The following ITGA4 variants were observed in gnomAD, a reference collection of about 807,000 sequenced individuals.
The protein encoded by ITGA4 is integrin subunit alpha 4.
In ITGA4, 63 loss-of-function variants were observed where a neutral mutation model predicts 133.6. That is an observed-to-expected ratio of 0.47 (90% CI 0.38 to 0.58). ITGA4 has a LOEUF of 0.58. Ranked by LOEUF, ITGA4 falls within the 20% of genes least tolerant of loss-of-function variation. ITGA4 has a pLI of 0.00. For synonymous variants in ITGA4, 483 were observed against 438.0 expected (o/e 1.10, Z -1.28); for missense variants, 1,076 against 1,252.7 (o/e 0.86, Z 2.13).
At chr2:181,475,757 A>AAGC in intron 4 of ITGA4, 1 of 1,546,868 alleles carries the variant, frequency 6.5e-7, no homozygotes, top group Non-Finnish European at 8.7e-7. Context: ...GTTTTCCTTC[A>AAGC]AGCAGCAAGA....
chr2:181,471,488 G>A lies in ITGA4; in HGVS notation c.320-3472G>A, dbSNP rs78612718. Among the ~76,000 whole-genome samples, 1,054 of 152,230 alleles carry A rather than the reference G, an allele frequency of 6.9e-3. 12 individuals carry two copies. Among genetic ancestry groups the A allele is most frequent in the African/African-American group, 0.024 (991 of 41,524 alleles). On this transcript the variant is annotated intron_variant, in intron 2 of 27. Coordinates refer to ENST00000397033, the MANE Select transcript of ITGA4 (RefSeq NM_000885.6). ...TCACCACAATTTCCTCTGAGTGATC[G>A]CATCCTGTGTGTCTAAGAACCCTTG...
rs752781224 is a variant in ITGA4, at chr2:181,475,140, CT to C, written c.427-18del. 1 of 1,613,304 alleles carries C rather than the reference CT, an allele frequency of 6.2e-7. No homozygotes were observed. The highest frequency in any genetic ancestry group is 8.5e-7 in the Non-Finnish European group (1 of 1,179,668). The stretch of plus-strand genomic sequence containing the variant: ...GGGTGCAGCTTTCACATCATTTGGT[CT>C]ACTTTTATTTTATTCAGACTTGTGG... On this transcript the variant is annotated intron_variant, in intron 3 of 27. Coordinates refer to ENST00000397033, the MANE Select transcript of ITGA4 (RefSeq NM_000885.6).
rs540903185 is a variant in ITGA4 at position 181,477,999 on chromosome 2, C to T, written c.557-758C>T. On this transcript the variant is annotated intron_variant, in intron 4 of 27. Transcript: ENST00000397033. Reference sequence around the variant, plus strand: ...AGGAATTGTGTGAGGTGTATATATACACACATATATACATAAACATATACA... The same window carrying T: ...AGGAATTGTGTGAGGTGTATATATATACACATATATACATAAACATATACA... Among the ~76,000 whole-genome samples the T allele has an allele frequency of 7.9e-5, 12 of 152,180 alleles. No individual in the cohort carries two copies. The South Asian group carries it at 1.9e-3, about 24-fold the overall frequency.
chr2:181,498,847 A>G (rs1574398236), intron 15 of ITGA4, 70 bp downstream of exon 15: 3 of 1,470,338 alleles, frequency 2.0e-6, no homozygotes, highest in East Asian at 4.9e-5. Context: ...AACTTATTGT[A>G]TTGGTATCTT....
intron 2 of ITGA4, among the ~76,000 whole-genome samples, chr2:181,472,092 C>T (rs529181791): frequency 1.3e-5 from 2 of 152,278 alleles, no homozygotes; most frequent in East Asian, 1.9e-4. Flanking sequence ...GTGTGTAAAC[C>T]TCAGTGTGAG....
At chr2:181,491,050 T>C (rs1320674756) in intron 10 of ITGA4, among the ~76,000 whole-genome samples, 1 of 152,210 alleles carries the variant, frequency 6.6e-6, no homozygotes, top group Non-Finnish European at 1.5e-5. Context: ...CTTTATTATA[T>C]AACAGATCCA....
At chr2:181,470,312 G>T (rs867018053) in intron 2 of ITGA4, among the ~76,000 whole-genome samples, 12 of 151,984 alleles carry the variant, frequency 7.9e-5, no homozygotes, top group South Asian at 4.1e-4. Flanking sequence ...TAGCTGATCA[G>T]TTATCATTAG....
rs139499179 is a variant in ITGA4, at chr2:181,480,813, T to C, written c.754+547T>C. On this transcript the variant is annotated intron_variant, in intron 6 of 27. Transcript: ENST00000397033. The stretch of plus-strand genomic sequence containing the variant: ...CTTAGAATATTTCCCAGAGCTTAAC[T>C]ATTTTTATCATCTTCCTCCTCCTCA... 8.7e-3 allele frequency among the ~76,000 whole-genome samples: 1,322 copies of C among 152,280 alleles called. 24 individuals are homozygous for C. The highest frequency in any genetic ancestry group is 0.03 in the African/African-American group (1,248 of 41,568).
rs560531997 is a variant in ITGA4 at position 181,530,614 on chromosome 2, G to A, written c.2629G>A (p.Val877Ile). 6.2e-7 allele frequency: 1 copy of A among 1,613,392 alleles called. No individual in the cohort carries two copies. The highest frequency in any genetic ancestry group is 1.1e-5 in the South Asian group (1 of 91,036). The stretch of plus-strand genomic sequence containing the variant: ...TGCAATGCAGACCTTGAAAGGCATA[G>A]TCCGGTTCTTGTCCAAGACTGATAA... ...KSAMQTLKGI[V>I]RFLSKTDKRL... The change falls in exon 24 of 28, where the codon GTC becomes ATC. Residue 877 changes from valine (V) to isoleucine (I), a missense_variant. Around this residue, in one of 4 missense-constraint regions of ITGA4, gnomAD observed 365 missense variants for 421.4 expected, o/e 0.87. Transcript: ENST00000397033.
intron 15 of ITGA4, among the ~76,000 whole-genome samples, chr2:181,502,136 G>T (rs1444570548): frequency 1.3e-5 from 2 of 152,020 alleles, no homozygotes; most frequent in Non-Finnish European, 2.9e-5. Flanking sequence ...CTATACTGCA[G>T]CTTGATCAAA....
intron 27 of ITGA4, 77 bp from the exon 28 acceptor site, chr2:181,535,355 T>TC (rs1212433743): frequency 3.6e-6 from 4 of 1,119,278 alleles, no homozygotes; most frequent in Non-Finnish European, 5.0e-6. Flanking sequence ...GTTAACTGCT[T>TC]AGATATTAGA....
chr2:181,522,135 GA>G, intron 17 of ITGA4, 55 bp from the exon 18 acceptor site: 1 of 1,100,432 alleles, frequency 9.1e-7, no homozygotes, highest in African/African-American at 1.6e-5. Context: ...ATGCATATAA[GA>G]GAGAGGGATT....
intron 2 of ITGA4, among the ~76,000 whole-genome samples, chr2:181,474,001 A>G (rs1685617127): frequency 6.6e-6 from 1 of 152,186 alleles, no homozygotes; most frequent in African/African-American, 2.4e-5. Context: ...TATCCAATCA[A>G]ATTGATGCTA....
At position 181,468,052 on chromosome 2, in the gene ITGA4, G is replaced by T. The variant is rs544667025; in HGVS notation, c.320-6908G>T. On this transcript the variant is annotated intron_variant, in intron 2 of 27. Transcript: ENST00000397033. ...AATCTTTAATATGATGATGCCAATG[G>T]CAACTAACATTTGCATGTTTTCGCT... Among the ~76,000 whole-genome samples the T allele has an allele frequency of 3.5e-4, 53 of 152,272 alleles. 1 individual carries two copies. The Middle Eastern group carries it at 0.01, about 29-fold the overall frequency.
intron 17 of ITGA4, among the ~76,000 whole-genome samples, chr2:181,513,366 T>C (rs2105758849): frequency 6.6e-6 from 1 of 152,234 alleles, no homozygotes. Context: ...AGGAATGACA[T>C]GGACATTAGA....
chr2:181,494,543 T>C (rs776721318), intron 11 of ITGA4, among the ~76,000 whole-genome samples, 179 bp from the exon 12 acceptor site: 3 of 152,246 alleles, frequency 2.0e-5, no homozygotes, highest in Non-Finnish European at 2.9e-5. Flanking sequence ...ATGTCACCTG[T>C]TCATTTCAAG....
chr2:181,514,890 T>C (rs79638992), intron 17 of ITGA4, among the ~76,000 whole-genome samples: 2,811 of 152,270 alleles, frequency 0.018, 72 homozygotes, highest in African/African-American at 0.063. Flanking sequence ...CTGCTTTGCA[T>C]TTTTAATTTA....
intron 17 of ITGA4, 51 bp from the exon 18 acceptor site, chr2:181,522,140 A>G (rs756100907): frequency 1.5e-4 from 170 of 1,134,658 alleles, no homozygotes; most frequent in Non-Finnish European, 2.1e-4. Flanking sequence ...TATAAGAGAG[A>G]GGGATTTTTA....
chr2:181,478,468 C>T (rs1239559520), intron 4 of ITGA4, among the ~76,000 whole-genome samples: 3 of 151,994 alleles, frequency 2.0e-5, no homozygotes, highest in African/African-American at 7.2e-5. Flanking sequence ...AGCATGGGCT[C>T]AAAATCACAA....
Sources: gnomAD v4.1 joint callset for allele counts (sites outside exome capture counted in the v4.1 genomes callset) on GRCh38, gnomAD v4.1.1 for gene constraint, gnomAD v4.1.1 regional missense constraint, MANE v1.5 for transcripts, NCBI Gene and HGNC (gene_info 2026-07-23, HGNC 2026-07-21) for gene names.